IQCB1: variants seen among roughly 807,000 people sequenced by gnomAD.
The protein encoded by IQCB1 is IQ motif containing B1.
A neutral mutation model predicts 84.4 loss-of-function variants in IQCB1; 56 were observed. That is an observed-to-expected ratio of 0.66 (90% CI 0.54 to 0.83). IQCB1 has a LOEUF of 0.83. IQCB1 is among the 40% of genes least tolerant of loss of function. The pLI is 0.00. For missense variants in IQCB1, 629 were observed against 682.1 expected (o/e 0.92, Z 0.87); for synonymous variants, 210 against 234.8 (o/e 0.89, Z 0.96).
intron 13 of IQCB1, among the ~76,000 whole-genome samples, chr3:121,776,095 T>C (rs1948215251): frequency 2.0e-5 from 3 of 152,108 alleles, no homozygotes; most frequent in African/African-American, 7.2e-5. Context: ...GGTCTCACTC[T>C]CTCACCCAGG....
chr3:121,827,831 T>C (rs891111940), intron 4 of IQCB1, among the ~76,000 whole-genome samples: 2 of 152,128 alleles, frequency 1.3e-5, no homozygotes, highest in African/African-American at 4.8e-5. Context: ...ACACTTTCAC[T>C]TATTAATCAG....
chr3:121,772,881 A>T (rs1948060364), intron 13 of IQCB1, among the ~76,000 whole-genome samples, 168 bp from the exon 14 acceptor site: 1 of 152,238 alleles, frequency 6.6e-6, no homozygotes, highest in Non-Finnish European at 1.5e-5. Context: ...AGTCTCTTAA[A>T]AGTTTTAGAT....
intron 10 of IQCB1, among the ~76,000 whole-genome samples, chr3:121,792,919 A>G (rs1392361141): frequency 1.3e-5 from 2 of 152,202 alleles, no homozygotes; most frequent in Admixed American, 6.5e-5. Context: ...TAGGCACTGG[A>G]CCACCTGGCA....
At chr3:121,786,639 C>T (rs931765310) in intron 12 of IQCB1, among the ~76,000 whole-genome samples, 7 of 152,154 alleles carry the variant, frequency 4.6e-5, no homozygotes, top group African/African-American at 1.4e-4. Context: ...AACAGAGACT[C>T]ATTCCTTTTC....
At position 121,788,443 on chromosome 3, in the gene IQCB1, G is replaced by T. The variant is rs373634080; in HGVS notation, c.1130-11C>A. The T allele has an allele frequency of 1.4e-4, 232 of 1,610,578 alleles. No individual in the cohort carries two copies. Among genetic ancestry groups the T allele is most frequent in the Non-Finnish European group, 1.9e-4 (225 of 1,177,218 alleles). ...GTTTCTCCACCTGACCTAAAAAGAT[G>T]ATAGACACTATTACAACATACTCAC... is the stretch of plus-strand genomic sequence containing the variant. On this transcript the variant is annotated splice_polypyrimidine_tract_variant and intron_variant, in intron 11 of 14. Transcript: ENST00000310864.
chr3:121,802,893 A>G (rs1221213505), intron 7 of IQCB1, among the ~76,000 whole-genome samples: 1 of 152,034 alleles, frequency 6.6e-6, no homozygotes, highest in Non-Finnish European at 1.5e-5. Context: ...AATAATTTCT[A>G]ATTTCACTTT....
intron 2 of IQCB1, among the ~76,000 whole-genome samples, chr3:121,832,960 T>C (rs1950701449): frequency 6.6e-6 from 1 of 152,218 alleles, no homozygotes; most frequent in Non-Finnish European, 1.5e-5. Context: ...TACATACACA[T>C]ACACAGGGTA....
At chr3:121,792,292 T>C (rs948425577) in intron 10 of IQCB1, among the ~76,000 whole-genome samples, 5 of 152,078 alleles carry the variant, frequency 3.3e-5, no homozygotes, top group African/African-American at 1.2e-4. Flanking sequence ...ATGTAGGCTA[T>C]CAAATATGGC....
At position 121,770,192 on chromosome 3, in the gene IQCB1, A is replaced by G. The variant is rs768728184; in HGVS notation, c.*153T>C. ...AGAAAAAGAAAATTGAGAGAGAGGT[A>G]GAATATAACTCTTTGCTTACTGCAG... On this transcript the variant is annotated 3_prime_UTR_variant, in exon 15 of 15. Transcript: ENST00000310864. 1.6e-6 allele frequency: 1 copy of G among 613,522 alleles called. No individual in the cohort carries two copies. Among genetic ancestry groups the G allele is most frequent in the East Asian group, 2.7e-5 (1 of 36,394 alleles). The allele number at this position is 613,522 out of a possible 1,614,324, so 38.0% of individuals were successfully genotyped here.
intron 5 of IQCB1, among the ~76,000 whole-genome samples, chr3:121,810,092 G>C (rs1320818178): frequency 6.6e-6 from 1 of 152,060 alleles, no homozygotes; most frequent in African/African-American, 2.4e-5. Context: ...CCAAAAGATA[G>C]TGTTGTACTC....
Position 121,809,026 on chromosome 3 carries a change from A to T in IQCB1, c.394-17T>A, listed in dbSNP as rs750934094. ...TTCTTCAGCCTTAACATAAAAGATAAGCCCAGTTTACTTTTCTATAGTTTT... is the reference window on the plus strand; with the variant it reads ...TTCTTCAGCCTTAACATAAAAGATATGCCCAGTTTACTTTTCTATAGTTTT... On this transcript the variant is annotated splice_polypyrimidine_tract_variant and intron_variant, in intron 5 of 14. Coordinates refer to ENST00000310864, the MANE Select transcript of IQCB1 (RefSeq NM_001023570.4). 2.7e-6 allele frequency: 4 copies of T among 1,479,472 alleles called. No homozygotes were observed. The allele number at this position is 1,479,472 out of a possible 1,614,324, so 91.6% of individuals were successfully genotyped here.
intron 12 of IQCB1, among the ~76,000 whole-genome samples, chr3:121,784,307 A>T (rs564978955): frequency 6.6e-6 from 1 of 151,530 alleles, no homozygotes; most frequent in Non-Finnish European, 1.5e-5. Flanking sequence ...TAGCCTTCTG[A>T]GTAGCTGGGA....
At chr3:121,821,051 C>T (rs944018236) in intron 5 of IQCB1, among the ~76,000 whole-genome samples, 3 of 151,510 alleles carry the variant, frequency 2.0e-5, no homozygotes, top group Admixed American at 6.6e-5. Flanking sequence ...TGTGCGGTGA[C>T]GTGATCATAG....
chr3:121,794,955 T>C (rs1486136271), intron 10 of IQCB1, among the ~76,000 whole-genome samples: 1 of 152,146 alleles, frequency 6.6e-6, no homozygotes, highest in African/African-American at 2.4e-5. Context: ...AGGATCTGGA[T>C]TGGTTAAGTC....
intron 5 of IQCB1, among the ~76,000 whole-genome samples, chr3:121,822,966 TAATAAAA>T (rs1406510957): frequency 1.3e-5 from 2 of 152,024 alleles, no homozygotes; most frequent in African/African-American, 2.4e-5. Flanking sequence ...AAAAAACAGA[TAATAAAA>T]AGACTCTCAA....
chr3:121,832,950 T>C (rs1486079070), intron 2 of IQCB1, among the ~76,000 whole-genome samples: 1 of 152,240 alleles, frequency 6.6e-6, no homozygotes, highest in East Asian at 1.9e-4. Context: ...GCACTATGTA[T>C]ACATACACAT....
At chr3:121,803,338 A>G (rs936640367) in intron 7 of IQCB1, among the ~76,000 whole-genome samples, 1 of 152,204 alleles carries the variant, frequency 6.6e-6, no homozygotes, top group African/African-American at 2.4e-5. Context: ...GGTGTGAGCC[A>G]CCGTGCCCGG....
At chr3:121,816,038 A>G (rs1950041808) in intron 5 of IQCB1, among the ~76,000 whole-genome samples, 1 of 152,106 alleles carries the variant, frequency 6.6e-6, no homozygotes, top group African/African-American at 2.4e-5. Context: ...GGCTACAATA[A>G]CCAAAACAGC....
At chr3:121,833,715 C>T (rs1357229960) in intron 2 of IQCB1, among the ~76,000 whole-genome samples, 3 of 152,124 alleles carry the variant, frequency 2.0e-5, no homozygotes, top group Non-Finnish European at 4.4e-5. Flanking sequence ...GATAAGAATA[C>T]AGGCCATAAA....
Sources: gnomAD v4.1 joint callset for allele counts (sites outside exome capture counted in the v4.1 genomes callset) on GRCh38, gnomAD v4.1.1 for gene constraint, MANE v1.5 for transcripts, NCBI Gene and HGNC (gene_info 2026-07-23, HGNC 2026-07-21) for gene names.